EFR3B: variants seen among roughly 807,000 people sequenced by gnomAD.
The protein encoded by EFR3B is protein EFR3 homolog B.
A neutral mutation model predicts 104.7 loss-of-function variants in EFR3B; 64 were observed. That is an observed-to-expected ratio of 0.61 (90% CI 0.50 to 0.75). The LOEUF (loss-of-function observed/expected upper bound fraction) is 0.75. EFR3B is among the 30% of genes least tolerant of loss of function. The pLI, the probability that EFR3B is intolerant of heterozygous loss-of-function variation, is 0.00. For synonymous variants in EFR3B, 385 were observed against 417.9 expected, an observed-to-expected ratio of 0.92 and a Z score of 0.96; for missense variants, 750 against 1,078.5, an observed-to-expected ratio of 0.70 and a Z score of 4.27.
intron 19 of EFR3B, among the ~76,000 whole-genome samples, chr2:25,148,790 T>C (rs1235921501): frequency 1.3e-5 from 2 of 150,592 alleles, no homozygotes; most frequent in South Asian, 2.1e-4. Context: ...GGCGTAGTGG[T>C]GGGCGCCTGT....
intron 1 of EFR3B, among the ~76,000 whole-genome samples, chr2:25,078,187 G>C (rs914343309): frequency 6.6e-6 from 1 of 152,126 alleles, no homozygotes; most frequent in Non-Finnish European, 1.5e-5. Context: ...AGTGCCCTGC[G>C]AACTGCTGGA....
Position 25,114,074 on chromosome 2 carries a change from C to G in EFR3B, c.364-7599C>G, listed in dbSNP as rs566375514. 2.4e-4 allele frequency among the ~76,000 whole-genome samples: 37 copies of G among 152,320 alleles called. 1 individual carries two copies. The South Asian group carries it at 7.7e-3, about 32-fold the overall frequency. On this transcript the variant is annotated intron_variant, in intron 4 of 22. Coordinates refer to ENST00000403714, the MANE Select transcript of EFR3B (RefSeq NM_014971.2). This position sits in a 1 kb window ranked among gnomAD's most constrained non-coding sequence, Gnocchi z 4.0. ...CGCTCTAAAACCGGAGAGTCCCAAC[C>G]TCATCTCAGCCAGACATTGGCACAT...
intron 1 of EFR3B, among the ~76,000 whole-genome samples, chr2:25,059,572 C>CGGGGGGGGGGG (rs56219617): frequency 6.6e-5 from 4 of 60,240 alleles, no homozygotes; most frequent in Admixed American, 2.3e-4. Flanking sequence ...CCAGGGACTG[C>CGGGGGGGGGGG]GGGGGGGGGG....
At chr2:25,104,839 C>G (rs1174133932) in intron 4 of EFR3B, among the ~76,000 whole-genome samples, 1 of 152,212 alleles carries the variant, frequency 6.6e-6, no homozygotes, top group African/African-American at 2.4e-5. Flanking sequence ...TGTTAGTCCT[C>G]CAAGCTAATG....
chr2:25,133,575 T>G (rs55712111), intron 12 of EFR3B, 141 bp downstream of exon 12: 60 of 942,424 alleles, frequency 6.4e-5, no homozygotes, highest in Non-Finnish European at 8.9e-5. Flanking sequence ...GGGGCTGAAA[T>G]CTAGCCTACG....
chr2:25,120,379 C>T (rs1346731404), intron 4 of EFR3B, among the ~76,000 whole-genome samples: 3 of 151,878 alleles, frequency 2.0e-5, no homozygotes, highest in Non-Finnish European at 2.9e-5. Context: ...GGCGCAGTGG[C>T]TCATGCCTGT....
intron 16 of EFR3B, among the ~76,000 whole-genome samples, chr2:25,140,227 C>T (rs1192107125): frequency 2.0e-5 from 3 of 152,134 alleles, no homozygotes; most frequent in Non-Finnish European, 4.4e-5. Flanking sequence ...GCAGGAGAAT[C>T]GCTTGAACCT....
Position 25,048,258 on chromosome 2 carries a change from C to G in EFR3B, c.7+5939C>G, listed in dbSNP as rs144823939. On this transcript the variant is annotated intron_variant, in intron 1 of 22. Transcript: ENST00000403714. ...TGATCTCCTGGCCTTAAGTGATTCT[C>G]CCACCTCAGCCTCCCAAAGTGCTGG... 2.6e-5 allele frequency among the ~76,000 whole-genome samples: 4 copies of G among 152,268 alleles called. No individual in the cohort carries two copies. The East Asian group carries it at 7.7e-4, about 29-fold the overall frequency.
intron 1 of EFR3B, among the ~76,000 whole-genome samples, chr2:25,060,459 A>T (rs1363496565): frequency 6.6e-6 from 1 of 150,708 alleles, no homozygotes; most frequent in African/African-American, 2.4e-5. Context: ...TTAAAGTGCC[A>T]TTTTTTTTTC....
chr2:25,103,787 G>A lies in EFR3B; in HGVS notation c.363G>A (p.Ser121=), dbSNP rs887321608. Reference sequence around the variant, plus strand: ...ACCTGCAGATCCTCGGCACCAACTCGGTAAGGAGCGGCCCAGGGGGCTCCA... The same window carrying A: ...ACCTGCAGATCCTCGGCACCAACTCAGTAAGGAGCGGCCCAGGGGGCTCCA... ...KPNLQILGTN[S]FVKFANIEED... Residue 121 remains serine (S), a splice_region_variant and synonymous_variant, in exon 4 of 23, where the codon TCG becomes TCA. Transcript: ENST00000403714. 24 of 1,551,210 alleles carry A rather than the reference G, an allele frequency of 1.5e-5. No individual in the cohort carries two copies. The highest frequency in any genetic ancestry group is 2.4e-5 in the East Asian group (1 of 40,914).
At chr2:25,077,472 G>A (rs1224651315) in intron 1 of EFR3B, among the ~76,000 whole-genome samples, 1 of 152,194 alleles carries the variant, frequency 6.6e-6, no homozygotes, top group African/African-American at 2.4e-5. Flanking sequence ...TGTATTTTTA[G>A]TAGAGATGGG....
chr2:25,151,450 T>A (rs563984781), intron 20 of EFR3B, among the ~76,000 whole-genome samples: 2 of 152,138 alleles, frequency 1.3e-5, no homozygotes, highest in Non-Finnish European at 2.9e-5. Context: ...GAGAGGGGGT[T>A]TCACCATGAT....
rs1266287591 is a variant in EFR3B at position 25,157,497 on chromosome 2, C to T, written c.*3157C>T. 5.9e-5 allele frequency: 9 copies of T among 152,206 alleles called. No individual in the cohort carries two copies. Among genetic ancestry groups the T allele is most frequent in the African/African-American group, 2.2e-4 (9 of 41,432 alleles). 9.4% of individuals were successfully genotyped at this position (152,206 alleles called of 1,614,324 possible). ...AGGCTAGTGGCATTGCATTGTGCCC[C>T]TTTTTGCCACCCTTCTCTGATGTGA... On this transcript the variant is annotated 3_prime_UTR_variant, in exon 23 of 23. Transcript: ENST00000403714.
chr2:25,103,833 G>A, intron 4 of EFR3B, 46 bp downstream of exon 4: 1 of 1,546,030 alleles, frequency 6.5e-7, no homozygotes, highest in Non-Finnish European at 8.7e-7. Flanking sequence ...CCGCATCCTG[G>A]GGGGTGGCAG....
rs1669269942 is a variant in EFR3B, at chr2:25,096,107, C to T, written c.212+2977C>T. Among the ~76,000 whole-genome samples the T allele has an allele frequency of 2.0e-5, 3 of 152,208 alleles. No individual in the cohort carries two copies. The South Asian group carries it at 6.2e-4, about 32-fold the overall frequency. On this transcript the variant is annotated intron_variant, in intron 3 of 22. Coordinates refer to ENST00000403714, the MANE Select transcript of EFR3B (RefSeq NM_014971.2). ...CTTGGCTCACTGCAACCTCTGCCTCCTGGGTTCAAGCGATTCTCCTGCCTC... is the reference window on the plus strand; with the variant it reads ...CTTGGCTCACTGCAACCTCTGCCTCTTGGGTTCAAGCGATTCTCCTGCCTC...
chr2:25,110,170 C>T (rs1669685966), intron 4 of EFR3B, among the ~76,000 whole-genome samples: 1 of 152,146 alleles, frequency 6.6e-6, no homozygotes, highest in Non-Finnish European at 1.5e-5. Context: ...AGCTCCAGCT[C>T]TTGCTGAGAC....
chr2:25,091,088 G>A (rs1298319033), intron 1 of EFR3B, among the ~76,000 whole-genome samples: 1 of 151,794 alleles, frequency 6.6e-6, no homozygotes, highest in Non-Finnish European at 1.5e-5. Context: ...CAACCCCCAA[G>A]CAAAAGACAT....
intron 4 of EFR3B, among the ~76,000 whole-genome samples, chr2:25,117,205 C>T (rs574988139): frequency 2.0e-5 from 3 of 152,090 alleles, no homozygotes; most frequent in Admixed American, 1.3e-4. Context: ...CCCCTGCCTG[C>T]GGCTCCCAGG....
chr2:25,044,675 C>A (rs1395543302), intron 1 of EFR3B, among the ~76,000 whole-genome samples: 4 of 152,200 alleles, frequency 2.6e-5, no homozygotes, highest in Non-Finnish European at 5.9e-5. Flanking sequence ...GCAGAGAGGC[C>A]CCCCTATGGA....
Sources: gnomAD v4.1 joint callset for allele counts (sites outside exome capture counted in the v4.1 genomes callset) on GRCh38, gnomAD v4.1.1 for gene constraint, Gnocchi (gnomAD v3.1) non-coding constraint, MANE v1.5 for transcripts, NCBI Gene and HGNC (gene_info 2026-07-23, HGNC 2026-07-21) for gene names.